MAN1A1: variants seen among roughly 807,000 people sequenced by gnomAD.
The protein encoded by MAN1A1 is mannosidase alpha class 1A member 1.
A neutral mutation model predicts 70.8 loss-of-function variants in MAN1A1; 29 were observed. The ratio of observed to expected loss-of-function variants is 0.41; its 90% CI spans 0.31 to 0.56. MAN1A1 has a LOEUF of 0.56. Among genes scored for constraint, MAN1A1 ranks in the 20% least tolerant of loss-of-function variants. MAN1A1 has a pLI of 0.29. For synonymous variants in MAN1A1, 349 were observed against 330.1 expected (o/e 1.06, Z -0.62); for missense variants, 747 against 841.3 (o/e 0.89, Z 1.39).
chr6:119,281,576 T>C (rs1413929179), intron 5 of MAN1A1, among the ~76,000 whole-genome samples: 3 of 152,290 alleles, frequency 2.0e-5, no homozygotes, highest in East Asian at 1.9e-4. Context: ...CCCCAGCAGG[T>C]TGGACTCTGA....
chr6:119,345,150 T>C (rs946935286), intron 2 of MAN1A1, among the ~76,000 whole-genome samples: 1 of 129,802 alleles, frequency 7.7e-6, no homozygotes, highest in African/African-American at 2.9e-5. Context: ...GTTCTAATCC[T>C]AAAGGACAGC....
intron 5 of MAN1A1, among the ~76,000 whole-genome samples, chr6:119,284,497 G>C (rs955810201): frequency 2.0e-5 from 3 of 152,106 alleles, no homozygotes; most frequent in African/African-American, 7.2e-5. Flanking sequence ...GGCAGAGAAA[G>C]CTTTATCAGC....
intron 3 of MAN1A1, among the ~76,000 whole-genome samples, chr6:119,303,106 A>C (rs1400183130): frequency 6.6e-6 from 1 of 151,728 alleles, no homozygotes; most frequent in Admixed American, 6.6e-5. Flanking sequence ...GCAGCCCCAA[A>C]CTCCTAGGCA....
At chr6:119,326,207 G>A (rs1773143035) in intron 2 of MAN1A1, among the ~76,000 whole-genome samples, 1 of 152,188 alleles carries the variant, frequency 6.6e-6, no homozygotes, top group African/African-American at 2.4e-5. Flanking sequence ...TACCTGTGTG[G>A]GTGGCTCTCC....
intron 2 of MAN1A1, among the ~76,000 whole-genome samples, chr6:119,324,946 C>T (rs1359333745): frequency 6.6e-6 from 1 of 152,094 alleles, no homozygotes; most frequent in Admixed American, 6.6e-5. Flanking sequence ...ATGTCTGTAT[C>T]TCACCCCAAC....
chr6:119,182,644 G>A (rs1377614097), intron 11 of MAN1A1, among the ~76,000 whole-genome samples: 1 of 150,490 alleles, frequency 6.6e-6, no homozygotes, highest in East Asian at 1.9e-4. Context: ...TTAATTATAT[G>A]GTCAAATAAA....
At chr6:119,243,963 A>G (rs1403742013) in intron 6 of MAN1A1, among the ~76,000 whole-genome samples, 1 of 152,066 alleles carries the variant, frequency 6.6e-6, no homozygotes, top group Non-Finnish European at 1.5e-5. Context: ...AAATCCATAC[A>G]GAGAAGTGAT....
chr6:119,290,475 A>G (rs1473523089), intron 5 of MAN1A1, among the ~76,000 whole-genome samples: 1 of 151,994 alleles, frequency 6.6e-6, no homozygotes, highest in Non-Finnish European at 1.5e-5. Context: ...ATTACTTAAC[A>G]TTCCCTGACA....
intron 5 of MAN1A1, among the ~76,000 whole-genome samples, chr6:119,257,756 T>C (rs1365053519): frequency 1.3e-5 from 2 of 152,118 alleles, no homozygotes. Flanking sequence ...CTTCAAACTA[T>C]TCTTAAGTGT....
At chr6:119,342,035 G>A (rs1217293789) in intron 2 of MAN1A1, among the ~76,000 whole-genome samples, 3 of 152,124 alleles carry the variant, frequency 2.0e-5, no homozygotes, top group Non-Finnish European at 4.4e-5. Context: ...TGGTATCTGC[G>A]GGAATAGGCA....
intron 11 of MAN1A1, 28 bp downstream of exon 11, chr6:119,188,376 TA>T (rs1453406149): frequency 1.3e-6 from 2 of 1,555,228 alleles, no homozygotes; most frequent in Non-Finnish European, 1.7e-6. Flanking sequence ...GAAATTTATC[TA>T]TAAGAAACAT....
chr6:119,252,196 C>G (rs1775335932), intron 5 of MAN1A1, among the ~76,000 whole-genome samples: 1 of 152,086 alleles, frequency 6.6e-6, no homozygotes. Flanking sequence ...TAGGTGGGCA[C>G]AAAAGTAATT....
chr6:119,325,515 G>C (rs544228071), intron 2 of MAN1A1, among the ~76,000 whole-genome samples: 40 of 152,256 alleles, frequency 2.6e-4, no homozygotes, highest in African/African-American at 9.6e-4. Context: ...AAATTAGCCA[G>C]GTGTGGTGGC....
chr6:119,240,393 C>A (rs1365943008), intron 6 of MAN1A1, among the ~76,000 whole-genome samples: 1 of 152,050 alleles, frequency 6.6e-6, no homozygotes. Context: ...TCATTCCATT[C>A]ATGTCAATTT....
Position 119,328,518 on chromosome 6 carries a change from G to C in MAN1A1, c.603+19945C>G, listed in dbSNP as rs1019412405. Among the ~76,000 whole-genome samples, 5 of 151,352 alleles carry C rather than the reference G, an allele frequency of 3.3e-5. No homozygotes were observed. The East Asian group carries it at 9.7e-4, about 29-fold the overall frequency. ...GCCTTTAACACTAAGAAAGTAGTAA[G>C]TAGGTTAAAACAAAGTGAGTCATAA... On this transcript the variant is annotated intron_variant, in intron 2 of 12. Coordinates refer to ENST00000368468, the MANE Select transcript of MAN1A1 (RefSeq NM_005907.4).
intron 6 of MAN1A1, 84 bp from the exon 7 acceptor site, chr6:119,204,966 C>G (rs1435646447): frequency 6.8e-7 from 1 of 1,463,474 alleles, no homozygotes; most frequent in Admixed American, 2.2e-5. Flanking sequence ...AAATAGACAG[C>G]TTTTAAAAAA....
chr6:119,186,170 T>A (rs906859126), intron 11 of MAN1A1, among the ~76,000 whole-genome samples: 1 of 152,138 alleles, frequency 6.6e-6, no homozygotes, highest in Non-Finnish European at 1.5e-5. Context: ...ATATTACCAA[T>A]TGGAATGAGT....
At chr6:119,200,801 G>GT (rs887874988) in intron 8 of MAN1A1, among the ~76,000 whole-genome samples, 5 of 152,144 alleles carry the variant, frequency 3.3e-5, no homozygotes, top group African/African-American at 4.8e-5. Context: ...AAAACAGGCT[G>GT]TTTGCTCTTC....
chr6:119,225,521 C>T (rs1454295021), intron 6 of MAN1A1, among the ~76,000 whole-genome samples: 1 of 152,044 alleles, frequency 6.6e-6, no homozygotes, highest in African/African-American at 2.4e-5. Flanking sequence ...CATGAATTTA[C>T]CAATATTAAA....
Sources: gnomAD v4.1 joint callset for allele counts (sites outside exome capture counted in the v4.1 genomes callset) on GRCh38, gnomAD v4.1.1 for gene constraint, MANE v1.5 for transcripts, NCBI Gene and HGNC (gene_info 2026-07-23, HGNC 2026-07-21) for gene names.